CBFA2T2: variants seen among roughly 807,000 people sequenced by gnomAD.
CBFA2T2 encodes CBFA2/RUNX1 partner transcriptional co-repressor 2, also known as protein CBFA2T2.
In CBFA2T2, 11 loss-of-function variants were observed where a neutral mutation model predicts 62.2. The observed-to-expected ratio is 0.18, with a 90% CI of 0.11 to 0.29. The LOEUF (loss-of-function observed/expected upper bound fraction) is 0.29. CBFA2T2 is among the 10% of genes least tolerant of loss of function. The pLI is 1.00. For synonymous variants in CBFA2T2, 295 were observed against 287.5 expected (o/e 1.03, Z -0.27); for missense variants, 592 against 774.1 (o/e 0.76, Z 2.79).
intron 1 of CBFA2T2, among the ~76,000 whole-genome samples, chr20:33,493,068 G>GTTTTTTTT (rs1157324208): frequency 1.1e-4 from 10 of 88,074 alleles, no homozygotes; most frequent in Non-Finnish European, 1.7e-4. Context: ...TGAAGTTTTG[G>GTTTTTTTT]TTTTTTTTTT....
chr20:33,611,951 G>C (rs191997076), intron 3 of CBFA2T2, among the ~76,000 whole-genome samples: 68 of 152,198 alleles, frequency 4.5e-4, no homozygotes, highest in African/African-American at 1.5e-3. Flanking sequence ...CCAAGTTAAT[G>C]CAAGGTTTTG....
At chr20:33,626,918 T>C (rs765474277) in intron 6 of CBFA2T2, among the ~76,000 whole-genome samples, 3 of 152,168 alleles carry the variant, frequency 2.0e-5, no homozygotes, top group Non-Finnish European at 4.4e-5. Flanking sequence ...TCCCAGACAA[T>C]TGTTATCCCC....
chr20:33,629,645 C>T lies in CBFA2T2; in HGVS notation c.1033-74C>T, dbSNP rs192129737. On this transcript the variant is annotated intron_variant, in intron 7 of 10. Transcript: ENST00000342704. ...TAAGGAACCTGAATTCCTCATATTG[C>T]GTTGGCCTGATTTACAGTGTTGGTT... The T allele has an allele frequency of 4.8e-5, 64 of 1,323,446 alleles. 1 individual carries two copies. In the African/African-American group the frequency reaches 6.9e-4, roughly 14 times the overall value. 82.0% of individuals were successfully genotyped at this position (1,323,446 alleles called of 1,614,324 possible). A position where few individuals can be genotyped will look rare whatever the true frequency, so the allele number is the denominator to read the frequency against.
At chr20:33,636,392 T>C (rs2016632925) in intron 8 of CBFA2T2, among the ~76,000 whole-genome samples, 1 of 152,162 alleles carries the variant, frequency 6.6e-6, no homozygotes, top group Middle Eastern at 3.4e-3. Context: ...AAGAAGAAAG[T>C]GAAGATCACT....
chr20:33,588,555 T>C (rs186110559), intron 1 of CBFA2T2, among the ~76,000 whole-genome samples: 1 of 152,284 alleles, frequency 6.6e-6, no homozygotes, highest in Non-Finnish European at 1.5e-5. Context: ...TTTTCCTTTA[T>C]TCCTTAGATT....
At chr20:33,602,047 G>T (rs986454158) in intron 1 of CBFA2T2, 1 of 152,068 alleles carries the variant, frequency 6.6e-6, no homozygotes, top group Non-Finnish European at 1.5e-5. Context: ...GCTTATCCTC[G>T]TGTCTAGCAA....
intron 3 of CBFA2T2, among the ~76,000 whole-genome samples, chr20:33,618,925 A>G (rs1395663813): frequency 6.6e-6 from 1 of 152,214 alleles, no homozygotes; most frequent in African/African-American, 2.4e-5. Flanking sequence ...GCAGTGCCCT[A>G]TTCTGCAGCC....
chr20:33,595,543 T>A (rs2146931061), intron 1 of CBFA2T2, among the ~76,000 whole-genome samples: 1 of 151,854 alleles, frequency 6.6e-6, no homozygotes, highest in South Asian at 2.1e-4. Flanking sequence ...TTTTTAATTT[T>A]CATTTTTTTT....
At chr20:33,528,729 G>A (rs1054731581) in intron 1 of CBFA2T2, among the ~76,000 whole-genome samples, 1 of 151,824 alleles carries the variant, frequency 6.6e-6, no homozygotes, top group African/African-American at 2.4e-5. Context: ...GTGTAGTGAC[G>A]GGATCTCACC....
intron 1 of CBFA2T2, among the ~76,000 whole-genome samples, chr20:33,567,352 C>T (rs1209982716): frequency 6.6e-6 from 1 of 152,154 alleles, no homozygotes; most frequent in Non-Finnish European, 1.5e-5. Flanking sequence ...ATATTATCTG[C>T]AGTTGTCTCT....
intron 5 of CBFA2T2, among the ~76,000 whole-genome samples, chr20:33,623,559 A>ATGTTTGTTTGTTTGTT (rs72452489): frequency 6.7e-6 from 1 of 148,768 alleles, no homozygotes; most frequent in Non-Finnish European, 1.5e-5. Context: ...TGACCAGCTA[A>ATGTTTGTTTGTTTGTT]TGTTTGTTTG....
At chr20:33,490,785 C>G (rs1349128591) in intron 1 of CBFA2T2, among the ~76,000 whole-genome samples, 2 of 152,206 alleles carry the variant, frequency 1.3e-5, no homozygotes, top group Non-Finnish European at 2.9e-5. Context: ...CTTGGCTCTC[C>G]CGGTGCCTCA....
At chr20:33,605,966 C>T (rs899713177) in intron 1 of CBFA2T2, among the ~76,000 whole-genome samples, 15 of 151,876 alleles carry the variant, frequency 9.9e-5, no homozygotes, top group Middle Eastern at 3.4e-3. Flanking sequence ...CTACAGGTGC[C>T]CACCACCACA....
chr20:33,514,870 A>T (rs548954662), intron 1 of CBFA2T2, among the ~76,000 whole-genome samples: 2 of 150,956 alleles, frequency 1.3e-5, no homozygotes, highest in Non-Finnish European at 3.0e-5. Context: ...CTGATTTTTT[A>T]ATTATTAGAG....
At chr20:33,587,444 T>C (rs1247203679) in intron 1 of CBFA2T2, among the ~76,000 whole-genome samples, 1 of 152,014 alleles carries the variant, frequency 6.6e-6, no homozygotes, top group Non-Finnish European at 1.5e-5. Context: ...TTTTTCATGT[T>C]TTTGGTAGAG....
intron 1 of CBFA2T2, among the ~76,000 whole-genome samples, chr20:33,515,094 AT>A (rs1355769041): frequency 6.6e-6 from 1 of 151,626 alleles, no homozygotes; most frequent in African/African-American, 2.4e-5. Flanking sequence ...CACGCCTGTA[AT>A]CACAGCACTT....
chr20:33,539,532 T>G (rs2012353003), intron 1 of CBFA2T2, among the ~76,000 whole-genome samples: 1 of 152,204 alleles, frequency 6.6e-6, no homozygotes, highest in South Asian at 2.1e-4. Context: ...GGACTGGGAG[T>G]ATATCTTTGG....
intron 1 of CBFA2T2, among the ~76,000 whole-genome samples, chr20:33,579,711 G>A (rs1193995874): frequency 7.9e-5 from 12 of 151,556 alleles, no homozygotes; most frequent in Admixed American, 2.0e-4. Context: ...TTGGTGGTTC[G>A]TCCTCCAACC....
intron 1 of CBFA2T2, among the ~76,000 whole-genome samples, chr20:33,502,395 T>C (rs1302440748): frequency 6.6e-6 from 1 of 151,996 alleles, no homozygotes; most frequent in Non-Finnish European, 1.5e-5. Context: ...GTTTCTGCTC[T>C]TCATTTTTTT....
Sources: gnomAD v4.1 joint callset for allele counts (sites outside exome capture counted in the v4.1 genomes callset) on GRCh38, gnomAD v4.1.1 for gene constraint, MANE v1.5 for transcripts, NCBI Gene and HGNC (gene_info 2026-07-23, HGNC 2026-07-21) for gene names.